The following PAH variants were observed in gnomAD, a reference collection of about 807,000 sequenced individuals.
PAH encodes the protein phenylalanine-4-hydroxylase.
PAH carries 64 observed loss-of-function variants against 62.0 expected under a neutral mutation model. The observed-to-expected ratio is 1.03, with a 90% CI of 0.84 to 1.27. PAH has a LOEUF of 1.27. Among genes scored for constraint, PAH ranks in the 50% most tolerant of loss-of-function variants. The pLI is 0.00. For synonymous variants in PAH, 195 were observed against 196.2 expected, an observed-to-expected ratio of 0.99 and a Z score of 0.05; for missense variants, 579 against 542.8, an observed-to-expected ratio of 1.07 and a Z score of -0.66.
chr12:102,906,596 A>G (rs771924873), intron 2 of PAH, among the ~76,000 whole-genome samples: 2 of 152,222 alleles, frequency 1.3e-5, no homozygotes, highest in African/African-American at 4.8e-5. Context: ...AAATATATAT[A>G]TAGTAATTCT....
intron 1 of PAH, among the ~76,000 whole-genome samples, chr12:102,946,240 C>A (rs2136768815): frequency 6.6e-6 from 1 of 152,318 alleles, no homozygotes; most frequent in East Asian, 1.9e-4. Flanking sequence ...AGGGGTGAGA[C>A]AAGCACTCCC....
upstream of PAH, among the ~76,000 whole-genome samples, chr12:102,921,194 G>A (rs1878543904): frequency 6.6e-6 from 1 of 152,166 alleles, no homozygotes; most frequent in Non-Finnish European, 1.5e-5. Context: ...TTCTCCAAAG[G>A]TCAGAATTTT....
At chr12:102,911,568 T>C (rs1193253125) in intron 2 of PAH, among the ~76,000 whole-genome samples, 1 of 152,168 alleles carries the variant, frequency 6.6e-6, no homozygotes, top group East Asian at 1.9e-4. Flanking sequence ...CTGAATAAGA[T>C]CATGTCTATA....
At chr12:102,918,009 T>C (rs1451369517), upstream of PAH, among the ~76,000 whole-genome samples, 1 of 152,212 alleles carries the variant, frequency 6.6e-6, no homozygotes, top group Admixed American at 6.5e-5. Context: ...TTCTAGTCTT[T>C]GGGAATACAG....
chr12:102,932,085 C>T (rs1451248713), intron 1 of PAH, among the ~76,000 whole-genome samples: 1 of 152,148 alleles, frequency 6.6e-6, no homozygotes, highest in Non-Finnish European at 1.5e-5. Flanking sequence ...CTCCAATCCC[C>T]CTTCCATTCC....
chr12:102,858,087 C>T (rs191444958), intron 5 of PAH, among the ~76,000 whole-genome samples: 8 of 152,190 alleles, frequency 5.3e-5, no homozygotes, highest in South Asian at 4.2e-4. Context: ...ACCCATCTCA[C>T]GTGCAGAGAC....
intron 1 of PAH, chr12:102,950,269 C>T (rs896280443): frequency 3.3e-5 from 5 of 152,258 alleles, no homozygotes; most frequent in Middle Eastern, 3.1e-3. Flanking sequence ...GCCCGTGCTG[C>T]AAATACTTGG....
At chr12:102,866,740 G>A (rs1875991596) in intron 4 of PAH, 77 bp from the exon 5 acceptor site, 3 of 1,169,178 alleles carry the variant, frequency 2.6e-6, no homozygotes, top group Admixed American at 1.7e-5. Flanking sequence ...CTTTGAATGG[G>A]GGCTCTCAAG....
At chr12:102,895,247 T>C (rs749380991) in intron 2 of PAH, among the ~76,000 whole-genome samples, 3 of 152,120 alleles carry the variant, frequency 2.0e-5, no homozygotes, top group African/African-American at 7.2e-5. Context: ...AATATTTACA[T>C]AGGAAACACC....
At chr12:102,954,714 G>C (rs2136780942), upstream of PAH, among the ~76,000 whole-genome samples, 1 of 152,280 alleles carries the variant, frequency 6.6e-6, no homozygotes, top group South Asian at 2.1e-4. Flanking sequence ...GTCAGAGGCA[G>C]GATTCTAATT....
At chr12:102,920,939 A>C (rs1243824039), upstream of PAH, among the ~76,000 whole-genome samples, 1 of 152,184 alleles carries the variant, frequency 6.6e-6, no homozygotes, top group Non-Finnish European at 1.5e-5. Flanking sequence ...TGGACATCTA[A>C]GTCATTGCTA....
intron 8 of PAH, among the ~76,000 whole-genome samples, chr12:102,850,368 T>C (rs977423221): frequency 1.3e-5 from 2 of 152,234 alleles, no homozygotes; most frequent in Admixed American, 6.5e-5. Flanking sequence ...TAGCAAGCAA[T>C]AAATTCCACT....
chr12:102,918,575 T>G (rs77541821), upstream of PAH, among the ~76,000 whole-genome samples: 1,196 of 151,996 alleles, frequency 7.9e-3, 7 homozygotes, highest in Non-Finnish European at 0.012. Flanking sequence ...TTTTTGTTTT[T>G]TTTTTTTGTT....
At chr12:102,932,530 G>A (rs1878922415) in intron 1 of PAH, among the ~76,000 whole-genome samples, 1 of 152,142 alleles carries the variant, frequency 6.6e-6, no homozygotes, top group South Asian at 2.1e-4. Context: ...AAGAGGAGAA[G>A]GACAGTTTTT....
intron 4 of PAH, among the ~76,000 whole-genome samples, chr12:102,869,526 C>T (rs1280980057): frequency 1.3e-5 from 2 of 152,002 alleles, no homozygotes; most frequent in African/African-American, 4.8e-5. Flanking sequence ...ATTAAATATC[C>T]ATCTCAAATC....
intron 3 of PAH, among the ~76,000 whole-genome samples, chr12:102,891,063 G>A (rs1406800879): frequency 6.6e-6 from 1 of 152,096 alleles, no homozygotes; most frequent in African/African-American, 2.4e-5. Flanking sequence ...CAGCCTGGGC[G>A]ACAGAGTGAG....
rs1456401974 is a variant in PAH at position 102,839,128 on chromosome 12, C to T, written c.*47G>A. The T allele has an allele frequency of 3.9e-6, 6 of 1,554,736 alleles. No individual in the cohort carries two copies. The East Asian group carries it at 6.7e-5, about 17-fold the overall frequency. On this transcript the variant is annotated 3_prime_UTR_variant, in exon 13 of 13. Transcript: ENST00000553106. ...TTTCTGATGAAAGAAATAGTTGGAT[C>T]TCCATCAACAGATTCACAGCTGACA...
intron 4 of PAH, among the ~76,000 whole-genome samples, chr12:102,873,197 G>A (rs1420808032): frequency 1.3e-5 from 2 of 152,202 alleles, no homozygotes; most frequent in Non-Finnish European, 2.9e-5. Flanking sequence ...CCTTTGTTCA[G>A]AGAACGTTGC....
In PAH at chr12:102,866,856, T is replaced by C. The variant is rs2133298; in HGVS notation, c.442-193A>G. ...TGTGAGTGACACCTTATTAGTAACT[T>C]CTTTGATTTAGCATGAGCCTCCTTG... On this transcript the variant is annotated intron_variant, in intron 4 of 12. Coordinates refer to ENST00000553106, the MANE Select transcript of PAH (RefSeq NM_000277.3). Among the ~76,000 whole-genome samples the C allele has an allele frequency of 0.41, 62,589 of 152,068 alleles. 13,393 individuals carry two copies. The highest frequency in any genetic ancestry group is 0.45 in the Non-Finnish European group (30,317 of 67,958).
Sources: allele counts gnomAD v4.1 joint callset (sites outside exome capture counted in the v4.1 genomes callset), GRCh38; gene constraint gnomAD v4.1.1; transcripts MANE v1.5; gene names NCBI Gene and HGNC (gene_info 2026-07-23, HGNC 2026-07-21).